The following PLCZ1 variants were observed in gnomAD, a reference collection of about 807,000 sequenced individuals.
PLCZ1 encodes the protein phospholipase C zeta 1.
Under a neutral mutation model 76.8 loss-of-function variants are expected in PLCZ1, and 64 were observed. The observed-to-expected ratio is 0.83, with a 90% confidence interval of 0.68 to 1.03. The LOEUF (loss-of-function observed/expected upper bound fraction) is 1.03. Among genes scored for constraint, PLCZ1 ranks in the 50% least tolerant of loss-of-function variants. The probability of loss-of-function intolerance (pLI) is 0.00; values close to 1 mark genes in which losing one functional copy is unlikely to be tolerated. For missense variants in PLCZ1, 751 were observed against 713.7 expected (o/e 1.05, Z -0.60); for synonymous variants, 248 against 230.8 (o/e 1.07, Z -0.68).
At chr12:18,677,965 T>C in the PLCZ1 span, among the ~76,000 whole-genome samples, 2 of 152,100 alleles carry the variant, frequency 1.3e-5, no homozygotes, top group African/African-American at 2.4e-5. Context: ...CATAAATGTA[T>C]TTCAATCAAG....
intron 3 of PLCZ1, among the ~76,000 whole-genome samples, chr12:18,730,757 T>C (rs1959001464): frequency 6.6e-6 from 1 of 152,198 alleles, no homozygotes. Context: ...GCCCTGAAGA[T>C]AACATAAAGA....
At chr12:18,702,818 C>CTTTTTTT (rs71064022) in intron 7 of PLCZ1, among the ~76,000 whole-genome samples, 35 of 116,594 alleles carry the variant, frequency 3.0e-4, no homozygotes, top group East Asian at 5.2e-4. Context: ...GATAAAGTAA[C>CTTTTTTT]TTTTTTTTTT....
the PLCZ1 span, among the ~76,000 whole-genome samples, chr12:18,668,946 A>G: frequency 3.9e-5 from 6 of 152,088 alleles, no homozygotes; most frequent in Admixed American, 3.3e-4. Flanking sequence ...GCAAGAAAAA[A>G]TCGTGAATAA....
Position 18,683,238 on chromosome 12 carries a change from G to A in PLCZ1, c.*1C>T, listed in dbSNP as rs112986298. Reference sequence around the variant, plus strand: ...AATGATATGTCATTTATCATTAGCTGTTATCTGACGTACCAAACATAAACA... The same window carrying A: ...AATGATATGTCATTTATCATTAGCTATTATCTGACGTACCAAACATAAACA... On this transcript the variant is annotated 3_prime_UTR_variant, in exon 15 of 15. Transcript: ENST00000266505. 3,280 of 1,611,612 alleles carry A rather than the reference G, an allele frequency of 2.0e-3. 61 individuals carry two copies. In the African/African-American group the frequency reaches 0.038, roughly 19 times the overall value.
At chr12:18,693,898 G>A (rs1954540012) in intron 12 of PLCZ1, 1 of 1,529,070 alleles carries the variant, frequency 6.5e-7, no homozygotes, top group Non-Finnish European at 9.1e-7. Flanking sequence ...GGATGACGCT[G>A]GCTGATGATG....
chr12:18,724,801 T>C (rs527489222), intron 3 of PLCZ1, among the ~76,000 whole-genome samples: 1 of 152,090 alleles, frequency 6.6e-6, no homozygotes, highest in Non-Finnish European at 1.5e-5. Flanking sequence ...CAATAAAAAT[T>C]TAAAATGTGC....
Position 18,723,457 on chromosome 12 carries a change from A to G in PLCZ1, c.221T>C (p.Ile74Thr), listed in dbSNP as rs145549980. ...TTCAGAATATGTGTTGAAAATCTCA[A>G]TAATTTCTTCTCTGTGCGTGATAAT... ...YRIITHREEI[I>T]EIFNTYSENR... Residue 74 changes from isoleucine to threonine, a missense_variant, in exon 4 of 15, where the codon ATT (isoleucine) becomes ACT (threonine). By Grantham distance (89) the Ile-to-Thr change is moderately conservative (BLOSUM62 -1). Transcript: ENST00000266505. 2.7e-4 allele frequency: 428 copies of G among 1,612,926 alleles called. 1 individual carries two copies. Among genetic ancestry groups the G allele is most frequent in the Non-Finnish European group, 2.9e-4 (339 of 1,179,458 alleles).
chr12:18,715,706 AC>A (rs1957909647), intron 5 of PLCZ1: 1 of 152,166 alleles, frequency 6.6e-6, no homozygotes, highest in African/African-American at 2.4e-5. Flanking sequence ...TGTCACCCAC[AC>A]TAAAGTGCAG....
intron 3 of PLCZ1, among the ~76,000 whole-genome samples, chr12:18,727,072 A>C (rs73346964): frequency 0.048 from 7,244 of 152,200 alleles, 598 homozygotes; most frequent in African/African-American, 0.16. Context: ...GTAGCTGAGC[A>C]CAATGGCTCA....
At chr12:18,717,166 T>C (rs987048612) in intron 5 of PLCZ1, among the ~76,000 whole-genome samples, 3 of 152,148 alleles carry the variant, frequency 2.0e-5, no homozygotes, top group African/African-American at 7.2e-5. Flanking sequence ...GGTGAAACTT[T>C]TTCTTGTAAT....
the PLCZ1 span, among the ~76,000 whole-genome samples, chr12:18,663,846 A>G: frequency 0.39 from 58,578 of 152,044 alleles, 13,997 homozygotes; most frequent in South Asian, 0.59. Flanking sequence ...CAAATCATAC[A>G]TCTTATAAGG....
At chr12:18,670,802 T>C in the PLCZ1 span, among the ~76,000 whole-genome samples, 16 of 152,180 alleles carry the variant, frequency 1.1e-4, no homozygotes, top group Non-Finnish European at 1.8e-4. Flanking sequence ...AATGTTTACA[T>C]TGTCATGAAA....
chr12:18,670,604 T>C, the PLCZ1 span, among the ~76,000 whole-genome samples: 327 of 152,316 alleles, frequency 2.1e-3, no homozygotes, highest in African/African-American at 7.4e-3. Flanking sequence ...CGTTTCTGCA[T>C]ATAAAGCACT....
chr12:18,710,918 AC>A (rs1957226981), intron 6 of PLCZ1, among the ~76,000 whole-genome samples: 2 of 152,074 alleles, frequency 1.3e-5, no homozygotes, highest in African/African-American at 4.8e-5. Context: ...AAATAGGAAC[AC>A]TTTTACACTG....
chr12:18,695,019 T>C lies in PLCZ1; in HGVS notation c.1352A>G (p.Asp451Gly), dbSNP rs774174183. 1 of 1,612,650 alleles carries C rather than the reference T, an allele frequency of 6.2e-7. No individual in the cohort carries two copies. The highest frequency in any genetic ancestry group is 1.1e-5 in the South Asian group (1 of 91,054). The part of the protein sequence containing the change: ...PMDLQNGKFL[D>G]NGGSGYILKP... ...CAAAATATATCCAGAACCACCATTA[T>C]CCAAAAATTTCCCATTTTGCAGATC... The change falls in exon 12 of 15, where the codon GAT (aspartate) becomes GGT (glycine). Residue 451 changes from aspartate to glycine, a missense_variant. Transcript: ENST00000266505.
chr12:18,699,951 C>T lies in PLCZ1; in HGVS notation c.1018-1G>A. The T allele has an allele frequency of 6.2e-7, 1 of 1,607,002 alleles. No homozygotes were observed. Among genetic ancestry groups the T allele is most frequent in the Admixed American group, 1.7e-5 (1 of 59,610 alleles). ...CCAGAGCAATTTTTAGCTTCCTGGT[C>T]TAAAAATAAAATGCAGTAATTTTAC... On this transcript the variant is annotated splice_acceptor_variant, in intron 9 of 14. Transcript: ENST00000266505. LOFTEE classifies it high-confidence loss of function.
chr12:18,728,107 C>T lies in PLCZ1; in HGVS notation c.136-4565G>A, dbSNP rs1380355110. On this transcript the variant is annotated intron_variant, in intron 3 of 14. Coordinates refer to ENST00000266505, the MANE Select transcript of PLCZ1 (RefSeq NM_033123.4). ...CTTTAAACATATTAAATTTGAAGTACATCTGAGATGACATCTAAACAGAGA... is the reference window on the plus strand; with the variant it reads ...CTTTAAACATATTAAATTTGAAGTATATCTGAGATGACATCTAAACAGAGA... Among the ~76,000 whole-genome samples the T allele has an allele frequency of 3.3e-5, 5 of 152,098 alleles. No individual in the cohort carries two copies. In the East Asian group the frequency reaches 7.7e-4, roughly 23 times the overall value.
intron 6 of PLCZ1, among the ~76,000 whole-genome samples, chr12:18,712,613 G>A (rs772476320): frequency 1.3e-5 from 2 of 151,854 alleles, no homozygotes; most frequent in Admixed American, 6.6e-5. Flanking sequence ...ACACACACAC[G>A]AGTAAACAAA....
At chr12:18,698,592 T>C (rs1330537172) in intron 10 of PLCZ1, among the ~76,000 whole-genome samples, 1 of 152,156 alleles carries the variant, frequency 6.6e-6, no homozygotes, top group East Asian at 1.9e-4. Context: ...GGTGCTGATT[T>C]TCCTTCTGTG....
Sources: allele counts gnomAD v4.1 joint callset (sites outside exome capture counted in the v4.1 genomes callset), GRCh38; gene constraint gnomAD v4.1.1; transcripts MANE v1.5; gene names NCBI Gene and HGNC (gene_info 2026-07-23, HGNC 2026-07-21).